FNDC3B: variants seen among roughly 807,000 people sequenced by gnomAD.
The protein encoded by FNDC3B is fibronectin type III domain containing 3B.
Under a neutral mutation model 151.5 loss-of-function variants are expected in FNDC3B, and 12 were observed. The observed-to-expected ratio is 0.08, with a 90% CI of 0.05 to 0.13. FNDC3B has a LOEUF of 0.13. Ranked by LOEUF, FNDC3B falls within the 10% of genes least tolerant of loss-of-function variation. The pLI is 1.00. For synonymous variants in FNDC3B, 528 were observed against 549.0 expected, an observed-to-expected ratio of 0.96 and a Z score of 0.54; for missense variants, 1,214 against 1,505.3, an observed-to-expected ratio of 0.81 and a Z score of 3.20.
At chr3:172,200,456 CA>C (rs779619846) in intron 3 of FNDC3B, among the ~76,000 whole-genome samples, 2 of 152,150 alleles carry the variant, frequency 1.3e-5, no homozygotes, top group Non-Finnish European at 2.9e-5. Flanking sequence ...ATGCATTTGG[CA>C]AAAACCATAT....
At chr3:172,147,072 A>C (rs1721949575) in intron 3 of FNDC3B, among the ~76,000 whole-genome samples, 1 of 152,144 alleles carries the variant, frequency 6.6e-6, no homozygotes, top group Non-Finnish European at 1.5e-5. Flanking sequence ...GTGGGAGGCC[A>C]AGGCAGGGGA....
intron 3 of FNDC3B, among the ~76,000 whole-genome samples, chr3:172,151,114 CTTTG>C (rs1722198749): frequency 1.3e-5 from 2 of 152,050 alleles, no homozygotes; most frequent in Non-Finnish European, 2.9e-5. Context: ...TTGTGATATT[CTTTG>C]TTAGTTTGTC....
intron 23 of FNDC3B, among the ~76,000 whole-genome samples, chr3:172,368,563 A>G (rs1301688588): frequency 6.6e-6 from 1 of 152,214 alleles, no homozygotes; most frequent in Non-Finnish European, 1.5e-5. Context: ...CGACATGGGT[A>G]TCAAATCTCT....
intron 1 of FNDC3B, among the ~76,000 whole-genome samples, chr3:172,098,298 A>G (rs1215410696): frequency 6.6e-6 from 1 of 152,198 alleles, no homozygotes; most frequent in Non-Finnish European, 1.5e-5. Flanking sequence ...TTCATTTTTC[A>G]TTCACCAGTT....
intron 1 of FNDC3B, among the ~76,000 whole-genome samples, chr3:172,065,490 G>A (rs949639172): frequency 6.6e-5 from 10 of 152,194 alleles, no homozygotes; most frequent in African/African-American, 1.7e-4. Context: ...GATCACACCC[G>A]AAGAAATGCC....
intron 11 of FNDC3B, among the ~76,000 whole-genome samples, chr3:172,323,497 A>G (rs925295372): frequency 2.0e-5 from 3 of 152,206 alleles, no homozygotes; most frequent in Admixed American, 1.3e-4. Context: ...AGCCTGAACA[A>G]CAGAGTGAGA....
At chr3:172,297,463 C>T (rs1419307613) in intron 8 of FNDC3B, among the ~76,000 whole-genome samples, 1 of 152,008 alleles carries the variant, frequency 6.6e-6, no homozygotes, top group Non-Finnish European at 1.5e-5. Context: ...GTCCTCAATC[C>T]ACATTTTTTT....
chr3:172,221,286 G>T (rs1021261813), intron 3 of FNDC3B, among the ~76,000 whole-genome samples: 2 of 152,018 alleles, frequency 1.3e-5, no homozygotes, highest in African/African-American at 4.8e-5. Flanking sequence ...TTGCCTAATT[G>T]TTCTGGCTAG....
At chr3:172,101,011 A>G (rs1484553932) in intron 1 of FNDC3B, among the ~76,000 whole-genome samples, 1 of 152,216 alleles carries the variant, frequency 6.6e-6, no homozygotes, top group Non-Finnish European at 1.5e-5. Flanking sequence ...GTGATGTTTA[A>G]TGGTACAGAT....
intron 23 of FNDC3B, among the ~76,000 whole-genome samples, chr3:172,374,544 A>G (rs1735036790): frequency 6.6e-6 from 1 of 152,084 alleles, no homozygotes; most frequent in Admixed American, 6.5e-5. Context: ...ACAGGCACGC[A>G]TCACCACGCC....
chr3:172,091,837 C>T (rs1472760590), intron 1 of FNDC3B, among the ~76,000 whole-genome samples: 1 of 147,934 alleles, frequency 6.8e-6, no homozygotes. Context: ...TGTGTAGCTT[C>T]TAGTAATATT....
intron 1 of FNDC3B, among the ~76,000 whole-genome samples, chr3:172,108,261 A>G (rs1361107805): frequency 6.6e-6 from 1 of 152,154 alleles, no homozygotes; most frequent in South Asian, 2.1e-4. Flanking sequence ...CCATCACCTT[A>G]TGACTGAATA....
At chr3:172,158,722 C>T (rs900544261) in intron 3 of FNDC3B, among the ~76,000 whole-genome samples, 2 of 152,150 alleles carry the variant, frequency 1.3e-5, no homozygotes, top group Non-Finnish European at 2.9e-5. Context: ...TACTCCCAGA[C>T]TCCAAAGATT....
intron 11 of FNDC3B, among the ~76,000 whole-genome samples, chr3:172,319,513 A>T (rs571011952): frequency 6.6e-6 from 1 of 152,300 alleles, no homozygotes; most frequent in African/African-American, 2.4e-5. Context: ...CTGAGGGATA[A>T]AATGCCTCCC....
chr3:172,320,563 G>A (rs1157268875), intron 11 of FNDC3B, among the ~76,000 whole-genome samples: 1 of 152,182 alleles, frequency 6.6e-6, no homozygotes, highest in African/African-American at 2.4e-5. Context: ...GGAACAGGAA[G>A]TATCGTTTCC....
intron 3 of FNDC3B, among the ~76,000 whole-genome samples, chr3:172,209,338 C>CTTTCG (rs1374539578): frequency 6.6e-6 from 1 of 152,194 alleles, no homozygotes; most frequent in East Asian, 1.9e-4. Flanking sequence ...GTTACAGCTC[C>CTTTCG]TTTCGTTCCT....
intron 1 of FNDC3B, among the ~76,000 whole-genome samples, chr3:172,047,415 T>A (rs577658303): frequency 6.6e-6 from 1 of 152,356 alleles, no homozygotes; most frequent in Non-Finnish European, 1.5e-5. Context: ...GCCTATTCTG[T>A]ATGAAAAGGT....
intron 3 of FNDC3B, among the ~76,000 whole-genome samples, chr3:172,205,436 A>G (rs1387873905): frequency 6.6e-6 from 1 of 152,184 alleles, no homozygotes; most frequent in Non-Finnish European, 1.5e-5. Flanking sequence ...TCTTCCTCAG[A>G]CAATCTTGTG....
At chr3:172,239,460 T>TGGGACCCA (rs1301381318) in intron 4 of FNDC3B, among the ~76,000 whole-genome samples, 4 of 152,230 alleles carry the variant, frequency 2.6e-5, no homozygotes, top group African/African-American at 9.6e-5. Context: ...CCCAGTTTTC[T>TGGGACCCA]GTGTCCAGGC....
Sources: allele counts gnomAD v4.1 joint callset (sites outside exome capture counted in the v4.1 genomes callset), GRCh38; gene constraint gnomAD v4.1.1; transcripts MANE v1.5; gene names NCBI Gene and HGNC (gene_info 2026-07-23, HGNC 2026-07-21).